Variants in MPDZ observed in about 807,000 individuals in gnomAD.
The protein encoded by MPDZ is multiple PDZ domain protein.
In MPDZ, 234 loss-of-function variants were observed where a neutral mutation model predicts 239.1. That is an observed-to-expected ratio of 0.98 (90% confidence interval 0.88 to 1.09). MPDZ has a LOEUF of 1.09. MPDZ is among the 50% of genes least tolerant of loss of function. The pLI, the probability that MPDZ is intolerant of heterozygous loss-of-function variation, is 0.00. For missense variants in MPDZ, 3,175 were observed against 2,510.0 expected (o/e 1.26, Z -5.66); for synonymous variants, 1,048 against 881.3 (o/e 1.19, Z -3.35).
intron 14 of MPDZ, 150 bp downstream of exon 14, chr9:13,193,017 T>C (rs1351084150): frequency 4.9e-6 from 3 of 617,096 alleles, no homozygotes; most frequent in Non-Finnish European, 7.2e-6. Flanking sequence ...AGATACAAAA[T>C]TTCTGCTTTG....
intron 24 of MPDZ, among the ~76,000 whole-genome samples, chr9:13,153,452 T>G (rs1949446251): frequency 6.6e-6 from 1 of 152,124 alleles, no homozygotes; most frequent in African/African-American, 2.4e-5. Context: ...TTTGTTTTTG[T>G]TTTTGTTTTG....
chr9:13,106,663 A>G lies in MPDZ; in HGVS notation c.*302T>C. ...CTTTCTTTATACTAACCAGCTTAGC[A>G]TGTAATAATTCTTGCCCATGTGACT... On this transcript the variant is annotated 3_prime_UTR_variant, in exon 47 of 47. Coordinates refer to ENST00000319217, the MANE Select transcript of MPDZ (RefSeq NM_001378778.1). The G allele has an allele frequency of 3.9e-6, 1 of 256,388 alleles. No individual in the cohort carries two copies. The highest frequency in any genetic ancestry group is 7.5e-6 in the Non-Finnish European group (1 of 133,392). 15.9% of individuals were successfully genotyped at this position (256,388 alleles called of 1,614,324 possible). A position where few individuals can be genotyped will look rare whatever the true frequency, so the allele number is the denominator to read the frequency against.
At chr9:13,133,933 A>T in intron 31 of MPDZ, 29 bp from the exon 32 acceptor site, 7 of 1,335,090 alleles carry the variant, frequency 5.2e-6, no homozygotes, top group Non-Finnish European at 7.1e-6. Context: ...TGACAAAAAG[A>T]GCAACTGAGT....
At chr9:13,127,718 T>C (rs1269797597) in intron 32 of MPDZ, among the ~76,000 whole-genome samples, 1 of 152,184 alleles carries the variant, frequency 6.6e-6, no homozygotes, top group Non-Finnish European at 1.5e-5. Context: ...TATTAATGCC[T>C]GATGAGTTTG....
At position 13,223,609 on chromosome 9, in the gene MPDZ, T is replaced by C; in HGVS notation, c.495A>G (p.Ile165Met). 1.9e-6 allele frequency: 3 copies of C among 1,612,384 alleles called. No homozygotes were observed. Among genetic ancestry groups the C allele is most frequent in the African/African-American group, 1.3e-5 (1 of 74,912 alleles). Residue 165 changes from isoleucine to methionine, a missense_variant, in exon 5 of 47, where the codon ATA (isoleucine) becomes ATG (methionine). Physicochemically the swap from Ile to Met is conservative, Grantham distance 10. Transcript: ENST00000319217. ...LRSENRGELG[I>M]FVQEIQEGSV... Reference sequence around the variant, plus strand: ...TGCCCTCTTGTATCTCTTGAACAAATATTCCCAGCTCTCCTCTGTTTTCAC... The same window carrying C: ...TGCCCTCTTGTATCTCTTGAACAAACATTCCCAGCTCTCCTCTGTTTTCAC...
intron 12 of MPDZ, among the ~76,000 whole-genome samples, chr9:13,198,775 GTGTGTGTGTT>G: frequency 6.8e-6 from 1 of 146,148 alleles, no homozygotes; most frequent in African/African-American, 2.6e-5. Context: ...GTGTGTGTGT[GTGTGTGTGTT>G]TTAGGACAGG....
chr9:13,161,566 T>A (rs1008731414), intron 23 of MPDZ, among the ~76,000 whole-genome samples: 23 of 151,556 alleles, frequency 1.5e-4, no homozygotes, highest in African/African-American at 5.1e-4. Flanking sequence ...AGAGTGAAAC[T>A]CCGTCTCAAA....
intron 15 of MPDZ, 23 bp downstream of exon 15, chr9:13,192,108 C>A (rs1955010834): frequency 1.3e-6 from 2 of 1,556,606 alleles, no homozygotes; most frequent in Non-Finnish European, 8.7e-7. Context: ...TGTAGGTTAG[C>A]CTCATGTATG....
intron 14 of MPDZ, among the ~76,000 whole-genome samples, 158 bp downstream of exon 14, chr9:13,193,009 A>G (rs1238783507): frequency 2.0e-5 from 3 of 152,190 alleles, no homozygotes; most frequent in Non-Finnish European, 4.4e-5. Context: ...AGATACACAG[A>G]TACAAAATTT....
chr9:13,211,139 T>G (rs1484876872), intron 10 of MPDZ, among the ~76,000 whole-genome samples: 1 of 152,116 alleles, frequency 6.6e-6, no homozygotes, highest in Non-Finnish European at 1.5e-5. Context: ...TTATTTAGTA[T>G]GGGAAAAATT....
intron 25 of MPDZ, among the ~76,000 whole-genome samples, chr9:13,148,116 A>T (rs949754282): frequency 6.6e-6 from 1 of 152,078 alleles, no homozygotes; most frequent in Non-Finnish European, 1.5e-5. Flanking sequence ...CTTGAAGTTC[A>T]AAACAAAATT....
chr9:13,256,675 G>A (rs1282742647), intron 1 of MPDZ, among the ~76,000 whole-genome samples: 1 of 152,176 alleles, frequency 6.6e-6, no homozygotes, highest in East Asian at 1.9e-4. Context: ...CATCTTAAAT[G>A]TGCAGGGCTG....
intron 1 of MPDZ, among the ~76,000 whole-genome samples, chr9:13,259,706 T>G (rs926691485): frequency 1.3e-5 from 2 of 152,074 alleles, no homozygotes; most frequent in African/African-American, 4.8e-5. Context: ...GAGCACTGCA[T>G]GTAGTTTCTT....
intron 1 of MPDZ, among the ~76,000 whole-genome samples, chr9:13,263,073 T>C (rs1022126567): frequency 6.6e-6 from 1 of 152,078 alleles, no homozygotes; most frequent in Non-Finnish European, 1.5e-5. Flanking sequence ...AAATTATGCA[T>C]GTAAAAAGCA....
At chr9:13,182,125 G>A (rs141633640) in intron 19 of MPDZ, among the ~76,000 whole-genome samples, 2 of 152,240 alleles carry the variant, frequency 1.3e-5, no homozygotes, top group South Asian at 2.1e-4. Flanking sequence ...GGAAAACAGT[G>A]CTAGACCTAC....
chr9:13,117,843 CTTT>C (rs201420389), intron 39 of MPDZ, among the ~76,000 whole-genome samples: 7 of 131,594 alleles, frequency 5.3e-5, no homozygotes, highest in Non-Finnish European at 8.1e-5. Flanking sequence ...TTCAGATTAG[CTTT>C]TTTTTTTTTT....
At chr9:13,149,367 T>C (rs1376630327) in intron 25 of MPDZ, among the ~76,000 whole-genome samples, 1 of 152,074 alleles carries the variant, frequency 6.6e-6, no homozygotes, top group Non-Finnish European at 1.5e-5. Context: ...GTGTAAGTTA[T>C]ATGGGTTTAG....
chr9:13,229,514 T>C (rs1418010099), intron 3 of MPDZ, among the ~76,000 whole-genome samples: 1 of 149,930 alleles, frequency 6.7e-6, no homozygotes, highest in Non-Finnish European at 1.5e-5. Context: ...AACAAGATGA[T>C]TTAAAAAAAA....
chr9:13,117,843 C>CTTTTT (rs201420389), intron 39 of MPDZ, among the ~76,000 whole-genome samples: 4 of 131,600 alleles, frequency 3.0e-5, no homozygotes, highest in Non-Finnish European at 3.3e-5. Context: ...TTCAGATTAG[C>CTTTTT]TTTTTTTTTT....
Sources: gnomAD v4.1 joint callset for allele counts (sites outside exome capture counted in the v4.1 genomes callset) on GRCh38, gnomAD v4.1.1 for gene constraint, MANE v1.5 for transcripts, NCBI Gene and HGNC (gene_info 2026-07-23, HGNC 2026-07-21) for gene names.